Variants in ACTR1A observed in about 807,000 individuals in gnomAD.
ACTR1A encodes actin related protein 1A.
ACTR1A carries 10 observed loss-of-function variants against 50.7 expected under a neutral mutation model. The observed-to-expected ratio is 0.20, with a 90% CI of 0.12 to 0.33. ACTR1A has a LOEUF of 0.33. Among genes scored for constraint, ACTR1A ranks in the 10% least tolerant of loss-of-function variants. The pLI, the probability that ACTR1A is intolerant of heterozygous loss-of-function variation, is 1.00. For missense variants in ACTR1A, 253 were observed against 491.7 expected, an observed-to-expected ratio of 0.51 and a Z score of 4.59; for synonymous variants, 177 against 184.2, an observed-to-expected ratio of 0.96 and a Z score of 0.32.
At chr10:102,497,538 G>A (rs1434777421) in intron 1 of ACTR1A, among the ~76,000 whole-genome samples, 2 of 151,850 alleles carry the variant, frequency 1.3e-5, no homozygotes, top group Admixed American at 6.6e-5. Context: ...AGTGAGCTAC[G>A]ACTGCAGCAC....
intron 1 of ACTR1A, among the ~76,000 whole-genome samples, chr10:102,495,218 C>T (rs1460745736): frequency 6.6e-6 from 1 of 151,898 alleles, no homozygotes; most frequent in African/African-American, 2.4e-5. Flanking sequence ...GTGATCTTGC[C>T]ACTGCACTCC....
In ACTR1A at chr10:102,484,382, G is replaced by C. The variant is rs2296582; in HGVS notation, c.441-6C>G. ...TGGTCCTGCCTGTAGCGTAACTGAA[G>C]CAAAGGGGCAAACCGTCACTCAGCA... On this transcript the variant is annotated splice_polypyrimidine_tract_variant and splice_region_variant and intron_variant, in intron 5 of 10. Transcript: ENST00000369905. 1.2e-6 allele frequency: 2 copies of C among 1,611,424 alleles called. No homozygotes were observed. The highest frequency in any genetic ancestry group is 4.5e-5 in the East Asian group (2 of 44,802).
intron 1 of ACTR1A, among the ~76,000 whole-genome samples, chr10:102,502,283 C>T (rs1232405004): frequency 6.6e-6 from 1 of 152,138 alleles, no homozygotes; most frequent in African/African-American, 2.4e-5. Flanking sequence ...ACCAATAGAG[C>T]GATCGGAAAT....
chr10:102,489,051 C>T lies in ACTR1A; in HGVS notation c.189+12G>A. On this transcript the variant is annotated intron_variant, in intron 3 of 10. Coordinates refer to ENST00000369905, the MANE Select transcript of ACTR1A (RefSeq NM_005736.4). ...GCTGGCTTAAGGCTTGTTCTGTAGG[C>T]CTGGGAATTACCTCAGCTTTGGGGC... The T allele has an allele frequency of 6.5e-7, 1 of 1,544,584 alleles. No individual in the cohort carries two copies. Among genetic ancestry groups the T allele is most frequent in the Non-Finnish European group, 8.7e-7 (1 of 1,143,320 alleles).
intron 1 of ACTR1A, among the ~76,000 whole-genome samples, chr10:102,492,058 C>T (rs1247632969): frequency 2.1e-5 from 3 of 140,734 alleles, no homozygotes; most frequent in Non-Finnish European, 4.5e-5. Context: ...CGTGAGCCCA[C>T]CGTGCCCGGC....
intron 1 of ACTR1A, among the ~76,000 whole-genome samples, chr10:102,495,755 ATTT>A (rs79530206): frequency 6.8e-4 from 68 of 99,576 alleles, no homozygotes; most frequent in African/African-American, 2.5e-3. Flanking sequence ...TAAATACACA[ATTT>A]TTTTTTTTTT....
At position 102,479,254 on chromosome 10, in the gene ACTR1A, T is replaced by C; in HGVS notation, c.*1609A>G. 1.6e-6 allele frequency: 1 copy of C among 628,968 alleles called. No individual in the cohort carries two copies. 39.0% of individuals were successfully genotyped at this position (628,968 alleles called of 1,614,324 possible). A position where few individuals can be genotyped will look rare whatever the true frequency, so the allele number is the denominator to read the frequency against. On this transcript the variant is annotated 3_prime_UTR_variant, in exon 11 of 11. Coordinates refer to ENST00000369905, the MANE Select transcript of ACTR1A (RefSeq NM_005736.4). The surrounding 1 kb of genome is among the most constrained non-coding windows in gnomAD (Gnocchi z 4.0). ...TGACGTGTCTATCGGAACGACTTTA[T>C]TTCAGTACACTGGGCCCCACCAGGC...
At position 102,486,416 on chromosome 10, in the gene ACTR1A, G is replaced by C. The variant is rs1271128810; in HGVS notation, c.316-683C>G. Among the ~76,000 whole-genome samples the C allele has an allele frequency of 2.0e-5, 3 of 152,122 alleles. No homozygotes were observed. The South Asian group carries it at 6.2e-4, about 31-fold the overall frequency. ...AAAAACTGTCTGAAAACAGCCGGGC[G>C]TGGTGGCTCACACCTGTAATCCCAG... On this transcript the variant is annotated intron_variant, in intron 4 of 10. Coordinates refer to ENST00000369905, the MANE Select transcript of ACTR1A (RefSeq NM_005736.4).
At chr10:102,496,841 G>A (rs1353335334) in intron 1 of ACTR1A, among the ~76,000 whole-genome samples, 1 of 152,218 alleles carries the variant, frequency 6.6e-6, no homozygotes, top group Non-Finnish European at 1.5e-5. Context: ...AGGGGTTCTT[G>A]TTGATTTGAT....
rs1194607189 is a variant in ACTR1A, at chr10:102,480,503, G to A, written c.*360C>T. ...GGTGGGGCCAGCCCAGCCTAGGATGGTCAGCAGCAAGGTCTCCCGGGGGAT... is the reference window on the plus strand; with the variant it reads ...GGTGGGGCCAGCCCAGCCTAGGATGATCAGCAGCAAGGTCTCCCGGGGGAT... On this transcript the variant is annotated 3_prime_UTR_variant, in exon 11 of 11. Transcript: ENST00000369905. 1.4e-5 allele frequency: 4 copies of A among 287,916 alleles called. No homozygotes were observed. The highest frequency in any genetic ancestry group is 2.7e-5 in the Non-Finnish European group (4 of 149,414). The allele number at this position is 287,916 out of a possible 1,614,324, so 17.8% of individuals were successfully genotyped here.
In ACTR1A at chr10:102,495,583, A is replaced by G. The variant is rs1589964670; in HGVS notation, c.49-4970T>C. Among the ~76,000 whole-genome samples the G allele has an allele frequency of 5.3e-5, 8 of 149,658 alleles. 1 individual carries two copies. Among genetic ancestry groups the G allele is most frequent in the African/African-American group, 2.0e-4 (8 of 40,770 alleles). On this transcript the variant is annotated intron_variant, in intron 1 of 10. Coordinates refer to ENST00000369905, the MANE Select transcript of ACTR1A (RefSeq NM_005736.4). ...GACTCCATCTAAAAAAAAAAAAATT[A>G]GCCGGGTGTGGTGGCACGTGCCTAT... is the stretch of plus-strand genomic sequence containing the variant.
chr10:102,480,991 T>G (rs2062136864), intron 10 of ACTR1A, 26 bp from the exon 11 acceptor site: 1 of 1,596,426 alleles, frequency 6.3e-7, no homozygotes, highest in Non-Finnish European at 8.6e-7. Context: ...CCAGAGGAAC[T>G]GTGTGAGAGA....
At position 102,483,063 on chromosome 10, in the gene ACTR1A, G is replaced by A. The variant is rs767685674; in HGVS notation, c.698C>T (p.Thr233Met). 6.2e-6 allele frequency: 10 copies of A among 1,614,070 alleles called. No individual in the cohort carries two copies. The highest frequency in any genetic ancestry group is 3.3e-5 in the South Asian group (3 of 91,092). Residue 233 changes from threonine to methionine, a missense_variant, in exon 7 of 11, where the codon ACG becomes ATG. Around this residue, in one of 4 missense-constraint regions of ACTR1A, gnomAD observed 116 missense variants for 155.9 expected, o/e 0.74. Transcript: ENST00000369905. ...GTACTGAGCTTTCTCTGTCTCTAGC[G>A]TCTCATCCTTTTGGGGGTTTATGGA... ...YLSINPQKDE[T>M]LETEKAQYYL... is the part of the protein sequence containing the mutation.
intron 3 of ACTR1A, 37 bp downstream of exon 3, chr10:102,489,021 CCTCTG>C: frequency 1.4e-6 from 2 of 1,435,268 alleles, no homozygotes; most frequent in Non-Finnish European, 1.9e-6. Flanking sequence ...TAATGAAGGT[CCTCTG>C]CTGGCTTAAG....
In ACTR1A at chr10:102,485,683, T is replaced by C. The variant is rs2062164709; in HGVS notation, c.366A>G (p.Glu122=). The C allele has an allele frequency of 2.5e-6, 4 of 1,614,116 alleles. No individual in the cohort carries two copies. Among genetic ancestry groups the C allele is most frequent in the African/African-American group, 2.7e-5 (2 of 75,062 alleles). ...TCTCGAAGAAAACTTCGGCAGCTCGTTCCCGGTTTTTTCGTGGGTTTAAAG... is the reference window on the plus strand; with the variant it reads ...TCTCGAAGAAAACTTCGGCAGCTCGCTCCCGGTTTTTTCGTGGGTTTAAAG... ...EAPLNPRKNR[E]RAAEVFFETF... Residue 122 remains glutamate, a synonymous_variant, in exon 5 of 11, where the codon GAA becomes GAG. Transcript: ENST00000369905.
chr10:102,483,832 G>A (rs1046413906), intron 6 of ACTR1A, among the ~76,000 whole-genome samples: 12 of 152,134 alleles, frequency 7.9e-5, no homozygotes, highest in African/African-American at 2.9e-4. Flanking sequence ...GCGACAGAGC[G>A]AGACTCCATC....
At position 102,482,795 on chromosome 10, in the gene ACTR1A, C is replaced by A; in HGVS notation, c.750+216G>T. On this transcript the variant is annotated intron_variant, in intron 7 of 10. Coordinates refer to ENST00000369905, the MANE Select transcript of ACTR1A (RefSeq NM_005736.4). This position sits in a 1 kb window ranked among gnomAD's most constrained non-coding sequence, Gnocchi z 5.6. ...GCTGCTGAGCTAAAAAAAAAAATTG[C>A]AAAAGAATCTCATAATGTTTTAAGA... 3 of 553,930 alleles carry A rather than the reference C, an allele frequency of 5.4e-6. No homozygotes were observed. The highest frequency in any genetic ancestry group is 9.7e-6 in the Non-Finnish European group (3 of 310,488). The allele number at this position is 553,930 out of a possible 1,614,324, so 34.3% of individuals were successfully genotyped here.
At chr10:102,495,214 T>C (rs1047004303) in intron 1 of ACTR1A, among the ~76,000 whole-genome samples, 10 of 152,030 alleles carry the variant, frequency 6.6e-5, no homozygotes, top group African/African-American at 2.4e-4. Flanking sequence ...AGCTGTGATC[T>C]TGCCACTGCA....
chr10:102,488,311 G>A lies in ACTR1A; in HGVS notation c.190-36C>T. On this transcript the variant is annotated intron_variant, in intron 3 of 10. Transcript: ENST00000369905. This position sits in a 1 kb window ranked among gnomAD's most constrained non-coding sequence, Gnocchi z 4.4. ...AGAACAGGACTTACGACTGCAGTCA[G>A]GCTCCACCCAGGACCCTGTTCTCCC... 1 of 1,605,338 alleles carries A rather than the reference G, an allele frequency of 6.2e-7. No homozygotes were observed.
Sources: allele counts gnomAD v4.1 joint callset (sites outside exome capture counted in the v4.1 genomes callset), GRCh38; gene constraint gnomAD v4.1.1; regional missense constraint gnomAD v4.1.1; non-coding constraint Gnocchi (gnomAD v3.1); transcripts MANE v1.5; gene names NCBI Gene and HGNC (gene_info 2026-07-23, HGNC 2026-07-21).